Variants in FHIT observed in about 807,000 individuals in gnomAD.
FHIT encodes bis(5'-adenosyl)-triphosphatase.
FHIT carries 19 observed loss-of-function variants against 17.9 expected under a neutral mutation model. The observed-to-expected ratio is 1.06, with a 90% CI of 0.74 to 1.56. The LOEUF (loss-of-function observed/expected upper bound fraction) is 1.56. Among genes scored for constraint, FHIT ranks in the 40% most tolerant of loss-of-function variants. The probability of loss-of-function intolerance (pLI) is 0.00; values close to 1 mark genes in which losing one functional copy is unlikely to be tolerated. For synonymous variants in FHIT, 81 were observed against 69.7 expected (o/e 1.16, Z -0.81); for missense variants, 248 against 189.2 (o/e 1.31, Z -1.82).
intron 5 of FHIT, among the ~76,000 whole-genome samples, chr3:60,302,653 T>C (rs999183743): frequency 7.9e-5 from 12 of 152,146 alleles, no homozygotes; most frequent in Non-Finnish European, 5.9e-5. Context: ...ATTTCAAAGG[T>C]TGTCTTTCGT....
At chr3:59,962,624 G>A (rs1464330174) in intron 7 of FHIT, among the ~76,000 whole-genome samples, 1 of 152,116 alleles carries the variant, frequency 6.6e-6, no homozygotes, top group Non-Finnish European at 1.5e-5. Context: ...TTGACTACAA[G>A]GTTATAGAGC....
At chr3:60,145,896 G>A (rs188173186) in intron 5 of FHIT, among the ~76,000 whole-genome samples, 9 of 152,110 alleles carry the variant, frequency 5.9e-5, no homozygotes, top group African/African-American at 2.2e-4. Context: ...CCCAAGAACA[G>A]TGAATAATCT....
At chr3:60,463,941 T>G (rs1162622388) in intron 5 of FHIT, among the ~76,000 whole-genome samples, 1 of 152,222 alleles carries the variant, frequency 6.6e-6, no homozygotes, top group African/African-American at 2.4e-5. Flanking sequence ...TAACAACTAC[T>G]TTGGCCATTC....
intron 4 of FHIT, among the ~76,000 whole-genome samples, chr3:60,583,002 C>T (rs1017414258): frequency 6.6e-6 from 1 of 151,836 alleles, no homozygotes; most frequent in African/African-American, 2.4e-5. Flanking sequence ...ACCAATGATA[C>T]CGCTTTACTG....
At chr3:61,039,311 C>A (rs895760639) in intron 3 of FHIT, among the ~76,000 whole-genome samples, 1 of 152,084 alleles carries the variant, frequency 6.6e-6, no homozygotes, top group Non-Finnish European at 1.5e-5. Context: ...ATTACTACAA[C>A]AACATTTTAC....
At chr3:60,711,024 C>T (rs2041514819) in intron 4 of FHIT, among the ~76,000 whole-genome samples, 1 of 152,166 alleles carries the variant, frequency 6.6e-6, no homozygotes, top group Non-Finnish European at 1.5e-5. Context: ...GAGGCACCCC[C>T]CAGTAGGGGC....
At chr3:60,821,776 A>T (rs1487224627) in intron 4 of FHIT, 143 bp downstream of exon 4, 3 of 152,206 alleles carry the variant, frequency 2.0e-5, no homozygotes, top group Non-Finnish European at 4.4e-5. Flanking sequence ...AAATTCTCCA[A>T]GGGAATCTAG....
intron 3 of FHIT, among the ~76,000 whole-genome samples, chr3:60,907,181 T>C (rs888081471): frequency 1.3e-5 from 2 of 152,054 alleles, no homozygotes; most frequent in Non-Finnish European, 1.5e-5. Context: ...ACCTGAAGAA[T>C]ATCCAAGATG....
chr3:61,138,749 T>C (rs1363203420), intron 2 of FHIT, among the ~76,000 whole-genome samples: 1 of 152,190 alleles, frequency 6.6e-6, no homozygotes, highest in African/African-American at 2.4e-5. Flanking sequence ...GCTAGTTAGG[T>C]AGATTTATAC....
intron 4 of FHIT, among the ~76,000 whole-genome samples, chr3:60,544,771 A>G (rs2036307533): frequency 6.6e-6 from 1 of 151,844 alleles, no homozygotes; most frequent in South Asian, 2.1e-4. Context: ...TAAGTTTTGT[A>G]TTTTTAGTAG....
At chr3:60,783,098 C>T (rs1210893627) in intron 4 of FHIT, among the ~76,000 whole-genome samples, 4 of 152,274 alleles carry the variant, frequency 2.6e-5, no homozygotes, top group East Asian at 1.9e-4. Context: ...ATTTTCCTGT[C>T]TCAGCCTCCT....
intron 3 of FHIT, among the ~76,000 whole-genome samples, chr3:60,860,158 T>TATATGGTATACATGAG (rs1703594897): frequency 2.7e-5 from 2 of 73,058 alleles, no homozygotes; most frequent in Non-Finnish European, 6.3e-5. Context: ...GTATATATGA[T>TATATGGTATACATGAG]ATACATCATA....
At chr3:60,771,824 G>A (rs1447428346) in intron 4 of FHIT, among the ~76,000 whole-genome samples, 3 of 152,116 alleles carry the variant, frequency 2.0e-5, no homozygotes, top group African/African-American at 7.2e-5. Context: ...TATTTCTTAT[G>A]CAAAATTGTT....
chr3:59,906,901 G>A (rs1230390797), intron 8 of FHIT, among the ~76,000 whole-genome samples: 1 of 152,200 alleles, frequency 6.6e-6, no homozygotes, highest in East Asian at 1.9e-4. Context: ...AATTTTAAAA[G>A]TCAGCTGCAG....
At chr3:60,568,404 C>A (rs1241231541) in intron 4 of FHIT, among the ~76,000 whole-genome samples, 2 of 151,338 alleles carry the variant, frequency 1.3e-5, no homozygotes, top group Non-Finnish European at 2.9e-5. Context: ...GGGAATTGAA[C>A]AATGAGAACA....
At chr3:59,755,855 GA>G (rs1701189578) in intron 8 of FHIT, among the ~76,000 whole-genome samples, 1 of 152,188 alleles carries the variant, frequency 6.6e-6, no homozygotes, top group African/African-American at 2.4e-5. Context: ...GTGATGGAGG[GA>G]AAGAGGTTAT....
At chr3:60,730,986 C>A (rs1247145592) in intron 4 of FHIT, among the ~76,000 whole-genome samples, 1 of 148,832 alleles carries the variant, frequency 6.7e-6, no homozygotes, top group African/African-American at 2.5e-5. Context: ...AAAAAATTAG[C>A]CCAGCGTGGT....
intron 3 of FHIT, among the ~76,000 whole-genome samples, chr3:60,955,613 T>C (rs1236128677): frequency 7.5e-5 from 1 of 13,314 alleles, no homozygotes; most frequent in African/African-American, 1.2e-4. Context: ...TATATATATA[T>C]ATATATATAT....
intron 4 of FHIT, among the ~76,000 whole-genome samples, chr3:60,596,342 T>C (rs1264600696): frequency 1.3e-5 from 2 of 152,134 alleles, no homozygotes; most frequent in African/African-American, 4.8e-5. Flanking sequence ...CTGAACCACC[T>C]TGAAGTTCTC....
Sources: gnomAD v4.1 joint callset for allele counts (sites outside exome capture counted in the v4.1 genomes callset) on GRCh38, gnomAD v4.1.1 for gene constraint, MANE v1.5 for transcripts, NCBI Gene and HGNC (gene_info 2026-07-23, HGNC 2026-07-21) for gene names.